Variants in PIP5K1C observed in about 807,000 individuals in gnomAD.
The protein encoded by PIP5K1C is phosphatidylinositol-4-phosphate 5-kinase type 1 gamma.
In PIP5K1C, 45 loss-of-function variants were observed where a neutral mutation model predicts 80.1. The ratio of observed to expected loss-of-function variants is 0.56; its 90% CI spans 0.44 to 0.72. The LOEUF (loss-of-function observed/expected upper bound fraction) is 0.72, where lower values mean the gene tolerates loss of function less well. PIP5K1C is among the 30% of genes least tolerant of loss of function. PIP5K1C has a pLI of 0.00. For synonymous variants in PIP5K1C, 498 were observed against 420.1 expected, an observed-to-expected ratio of 1.19 and a Z score of -2.27; for missense variants, 753 against 954.6, an observed-to-expected ratio of 0.79 and a Z score of 2.78.
In PIP5K1C at chr19:3,645,958, G is replaced by A; in HGVS notation, c.1345+16C>T. The A allele has an allele frequency of 6.2e-7, 1 of 1,605,400 alleles. No homozygotes were observed. Among genetic ancestry groups the A allele is most frequent in the Non-Finnish European group, 8.5e-7 (1 of 1,172,606 alleles). On this transcript the variant is annotated intron_variant, in intron 11 of 17. Transcript: ENST00000335312. The stretch of plus-strand genomic sequence containing the variant: ...CCCCAGGGTCCCTCCCGCCTTGCGG[G>A]GCTCAGGTGGCTTACAGGAGTTCTT...
intron 11 of PIP5K1C, 77 bp downstream of exon 11, chr19:3,645,897 G>A (rs1258872140): frequency 9.6e-6 from 11 of 1,142,902 alleles, no homozygotes; most frequent in African/African-American, 1.5e-5. Flanking sequence ...TCGGCCTCCC[G>A]CAGAGTCCCT....
intron 1 of PIP5K1C, among the ~76,000 whole-genome samples, chr19:3,671,937 C>T (rs1484105868): frequency 2.0e-5 from 3 of 152,196 alleles, no homozygotes; most frequent in African/African-American, 4.8e-5. Flanking sequence ...TAAAAATAGT[C>T]GGGGGAGGAA....
At chr19:3,643,420 G>A (rs765823385) in intron 12 of PIP5K1C, 39 bp from the exon 13 acceptor site, 10 of 1,610,622 alleles carry the variant, frequency 6.2e-6, no homozygotes, top group African/African-American at 1.3e-5. Flanking sequence ...CGGAGCCTCC[G>A]AGCCCCCAAA....
intron 1 of PIP5K1C, among the ~76,000 whole-genome samples, chr19:3,698,455 G>T (rs966083122): frequency 4.6e-5 from 7 of 152,210 alleles, no homozygotes; most frequent in Non-Finnish European, 7.3e-5. Flanking sequence ...AACATAGGGT[G>T]GGGAGACTCC....
In PIP5K1C at chr19:3,643,687, C is replaced by T. The variant is rs534211576; in HGVS notation, c.1511-306G>A. 3.9e-3 allele frequency among the ~76,000 whole-genome samples: 596 copies of T among 150,892 alleles called. 4 individuals carry two copies. Among genetic ancestry groups the T allele is most frequent in the African/African-American group, 0.014 (554 of 40,948 alleles). On this transcript the variant is annotated intron_variant, in intron 12 of 17. Coordinates refer to ENST00000335312, the MANE Select transcript of PIP5K1C (RefSeq NM_012398.3). ...TCTCTTCCCCTCCCCACCCCCCCTC[C>T]CTTCCCCTCCGCGCTGCTTGGCCAC... is the stretch of plus-strand genomic sequence containing the variant.
In PIP5K1C at chr19:3,696,743, C is replaced by T. The variant is rs1392959438; in HGVS notation, c.94+3554G>A. Among the ~76,000 whole-genome samples the T allele has an allele frequency of 2.0e-5, 1 of 48,918 alleles. No individual in the cohort carries two copies. Among genetic ancestry groups the T allele is most frequent in the Non-Finnish European group, 3.9e-5 (1 of 25,690 alleles). 32.1% of individuals were successfully genotyped at this position (48,918 alleles called of 152,430 possible). On this transcript the variant is annotated intron_variant, in intron 1 of 17. Coordinates refer to ENST00000335312, the MANE Select transcript of PIP5K1C (RefSeq NM_012398.3). This position sits in a 1 kb window ranked among gnomAD's most constrained non-coding sequence, Gnocchi z 4.1. Reference sequence around the variant, plus strand: ...GGAGGGCAGAGTGCGGAGGGGAGGGCAGGGAGGGCAGGGAGGGCCCGGGGC... The same window carrying T: ...GGAGGGCAGAGTGCGGAGGGGAGGGTAGGGAGGGCAGGGAGGGCCCGGGGC...
chr19:3,633,497 C>T lies in PIP5K1C; in HGVS notation c.1944G>A (p.Val648=). Residue 648 remains valine (V), a synonymous_variant, in exon 17 of 18, where the codon GTG becomes GTA. Transcript: ENST00000335312. ...IYFPTDERSW[V]YSPLHYSAQA... is the part of the protein sequence containing the mutation. The stretch of plus-strand genomic sequence containing the variant: ...GGGCGCTATAGTGGAGCGGGGAGTA[C>T]ACCCAGCTCCTCTCATCGGTGGGCT... The T allele has an allele frequency of 6.7e-7, 1 of 1,501,250 alleles. No homozygotes were observed. The allele number at this position is 1,501,250 out of a possible 1,614,324, so 93.0% of individuals were successfully genotyped here.
chr19:3,697,943 C>A (rs766325838), intron 1 of PIP5K1C, among the ~76,000 whole-genome samples: 18 of 152,252 alleles, frequency 1.2e-4, no homozygotes, highest in Non-Finnish European at 2.4e-4. Flanking sequence ...GGAGCCCAGG[C>A]AATTAGAGGA....
chr19:3,662,053 G>A, intron 3 of PIP5K1C, 52 bp from the exon 4 acceptor site: 5 of 1,539,494 alleles, frequency 3.2e-6, no homozygotes, highest in Non-Finnish European at 4.4e-6. Context: ...ACGCTGCCCT[G>A]CACCCCCTGT....
intron 14 of PIP5K1C, 112 bp downstream of exon 14, chr19:3,642,795 T>A (rs1162705727): frequency 1.2e-6 from 1 of 854,212 alleles, no homozygotes; most frequent in African/African-American, 1.7e-5. Context: ...CTTAAATCTG[T>A]CCCCAGGAGA....
At chr19:3,683,440 G>A (rs2035651413) in intron 1 of PIP5K1C, among the ~76,000 whole-genome samples, 1 of 152,212 alleles carries the variant, frequency 6.6e-6, no homozygotes. Context: ...GCGCAGGCAG[G>A]AGCTGGCCAG....
At chr19:3,699,944 A>G (rs1397423137) in intron 1 of PIP5K1C, among the ~76,000 whole-genome samples, 2 of 152,162 alleles carry the variant, frequency 1.3e-5, no homozygotes, top group African/African-American at 4.8e-5. Flanking sequence ...TGACATCAGG[A>G]GGTGGGCACG....
At chr19:3,636,760 C>T (rs1029125493) in intron 16 of PIP5K1C, 1 of 986,524 alleles carries the variant, frequency 1.0e-6, no homozygotes, top group Middle Eastern at 5.2e-4. Flanking sequence ...GGAGTCACGG[C>T]GGCCTCGGCG....
chr19:3,645,568 C>T (rs1599946085), intron 11 of PIP5K1C, among the ~76,000 whole-genome samples: 1 of 152,122 alleles, frequency 6.6e-6, no homozygotes, highest in Non-Finnish European at 1.5e-5. Context: ...GCCCGGGGTG[C>T]GTTTCCTTGG....
At chr19:3,686,017 C>A (rs2035748663) in intron 1 of PIP5K1C, among the ~76,000 whole-genome samples, 3 of 151,852 alleles carry the variant, frequency 2.0e-5, no homozygotes, top group Admixed American at 2.0e-4. Flanking sequence ...GCCACCACAC[C>A]TGGCTAATTC....
intron 1 of PIP5K1C, among the ~76,000 whole-genome samples, chr19:3,675,561 C>T (rs2035331770): frequency 6.6e-6 from 1 of 152,198 alleles, no homozygotes; most frequent in South Asian, 2.1e-4. Flanking sequence ...AGGCTGGTGC[C>T]GACCCTCAGC....
chr19:3,632,590 C>T lies in PIP5K1C; in HGVS notation c.*577G>A, dbSNP rs1006021129. 6.6e-6 allele frequency: 1 copy of T among 152,516 alleles called. No individual in the cohort carries two copies. The highest frequency in any genetic ancestry group is 1.5e-5 in the Non-Finnish European group (1 of 68,284). The allele number at this position is 152,516 out of a possible 1,614,324, so 9.4% of individuals were successfully genotyped here. Reference sequence around the variant, plus strand: ...GTGCTTGGCAGGGCGAGGGCTGTCCCCACAGTCGATGTTCAGGCCAGATGT... The same window carrying T: ...GTGCTTGGCAGGGCGAGGGCTGTCCTCACAGTCGATGTTCAGGCCAGATGT... On this transcript the variant is annotated 3_prime_UTR_variant, in exon 18 of 18. Coordinates refer to ENST00000335312, the MANE Select transcript of PIP5K1C (RefSeq NM_012398.3).
chr19:3,678,917 G>A (rs1267458617), intron 1 of PIP5K1C, among the ~76,000 whole-genome samples: 1 of 143,406 alleles, frequency 7.0e-6, no homozygotes, highest in Non-Finnish European at 1.5e-5. Context: ...GGAAGGGATG[G>A]AGGGATGGAG....
intron 2 of PIP5K1C, among the ~76,000 whole-genome samples, chr19:3,666,537 G>T (rs148810017): frequency 6.6e-6 from 1 of 151,900 alleles, no homozygotes; most frequent in Non-Finnish European, 1.5e-5. Flanking sequence ...ACATACGCAC[G>T]CAGGCAAACA....
Sources: gnomAD v4.1 joint callset for allele counts (sites outside exome capture counted in the v4.1 genomes callset) on GRCh38, gnomAD v4.1.1 for gene constraint, Gnocchi (gnomAD v3.1) non-coding constraint, MANE v1.5 for transcripts, NCBI Gene and HGNC (gene_info 2026-07-23, HGNC 2026-07-21) for gene names.